GTF2I: variants seen among roughly 807,000 people sequenced by gnomAD.
GTF2I encodes the protein general transcription factor IIi.
GTF2I carries 12 observed loss-of-function variants against 67.6 expected under a neutral mutation model. That is an observed-to-expected ratio of 0.18 (90% confidence interval 0.11 to 0.29). The LOEUF (loss-of-function observed/expected upper bound fraction) is 0.29, where lower values mean the gene tolerates loss of function less well. Among genes scored for constraint, GTF2I ranks in the 10% least tolerant of loss-of-function variants. The probability of loss-of-function intolerance (pLI) is 1.00; values close to 1 mark genes in which losing one functional copy is unlikely to be tolerated. For missense variants in GTF2I, 271 were observed against 580.1 expected, an observed-to-expected ratio of 0.47 and a Z score of 5.47; for synonymous variants, 149 against 197.0, an observed-to-expected ratio of 0.76 and a Z score of 2.04.
chr7:74,683,877 A>C (rs1554394741), intron 1 of GTF2I, among the ~76,000 whole-genome samples: 1 of 152,118 alleles, frequency 6.6e-6, no homozygotes, highest in Non-Finnish European at 1.5e-5. Flanking sequence ...AAAAAACTTA[A>C]AAACTCGTAC....
intron 1 of GTF2I, among the ~76,000 whole-genome samples, chr7:74,660,180 CTTT>C (rs34002417): frequency 2.1e-4 from 29 of 135,766 alleles, no homozygotes; most frequent in Non-Finnish European, 3.4e-4. Context: ...AAGGTCTTCT[CTTT>C]TTTTTTTTTT....
intron 1 of GTF2I, among the ~76,000 whole-genome samples, chr7:74,683,869 A>C (rs1214548191): frequency 6.6e-6 from 1 of 152,140 alleles, no homozygotes; most frequent in Admixed American, 6.6e-5. Context: ...AAAGAAAAAA[A>C]AAACTTAAAA....
chr7:74,693,875 A>T (rs1788617060), intron 3 of GTF2I, among the ~76,000 whole-genome samples: 1 of 152,142 alleles, frequency 6.6e-6, no homozygotes, highest in Admixed American at 6.6e-5. Context: ...AGGCCAATTA[A>T]TAGACCTATA....
chr7:74,726,096 T>C (rs2131489362), intron 12 of GTF2I, among the ~76,000 whole-genome samples: 1 of 152,278 alleles, frequency 6.6e-6, no homozygotes, highest in African/African-American at 2.4e-5. Context: ...GTCATTCTAC[T>C]CTAGCAGCTT....
intron 1 of GTF2I, among the ~76,000 whole-genome samples, chr7:74,674,995 G>A (rs1805772107): frequency 6.6e-6 from 1 of 152,022 alleles, no homozygotes; most frequent in Non-Finnish European, 1.5e-5. Flanking sequence ...TGGGATTACA[G>A]GCACCTGCCA....
At chr7:74,679,548 G>A (rs1787029375) in intron 1 of GTF2I, among the ~76,000 whole-genome samples, 1 of 152,208 alleles carries the variant, frequency 6.6e-6, no homozygotes, top group South Asian at 2.1e-4. Context: ...GAAAGACTGT[G>A]TAGTATTATA....
intron 1 of GTF2I, among the ~76,000 whole-genome samples, chr7:74,678,131 T>C (rs1806070948): frequency 6.6e-6 from 1 of 151,836 alleles, no homozygotes; most frequent in Non-Finnish European, 1.5e-5. Flanking sequence ...CATGGCTCAC[T>C]GCAGCCTTCA....
intron 12 of GTF2I, chr7:74,728,201 C>G (rs1265470018): frequency 1.3e-5 from 2 of 152,340 alleles, no homozygotes; most frequent in African/African-American, 4.8e-5. Context: ...ACTTCGGAGG[C>G]TGAGGCATGA....
intron 1 of GTF2I, among the ~76,000 whole-genome samples, chr7:74,671,079 C>CTTTTTTTTTT (rs869137920): frequency 4.9e-5 from 3 of 61,784 alleles, no homozygotes; most frequent in Non-Finnish European, 8.2e-5. Context: ...TGGGCAGATC[C>CTTTTTTTTTT]TTTTTTTTTT....
intron 3 of GTF2I, among the ~76,000 whole-genome samples, chr7:74,692,433 T>C (rs1157994772): frequency 6.6e-6 from 1 of 152,180 alleles, no homozygotes; most frequent in Non-Finnish European, 1.5e-5. Context: ...TGCAAGTTTG[T>C]TTAAGCATAT....
intron 6 of GTF2I, among the ~76,000 whole-genome samples, chr7:74,702,820 A>G (rs1790003533): frequency 6.6e-6 from 1 of 150,538 alleles, no homozygotes; most frequent in African/African-American, 2.4e-5. Flanking sequence ...TGCAGCCTCA[A>G]CCTCCCAGGC....
intron 12 of GTF2I, among the ~76,000 whole-genome samples, chr7:74,724,591 A>G (rs1793521321): frequency 6.6e-6 from 1 of 152,162 alleles, no homozygotes; most frequent in Admixed American, 6.5e-5. Flanking sequence ...TGTGGGTAGC[A>G]TAACTATTGT....
chr7:74,709,695 C>T (rs587653584), intron 8 of GTF2I, among the ~76,000 whole-genome samples: 12 of 150,468 alleles, frequency 8.0e-5, no homozygotes, highest in Non-Finnish European at 1.2e-4. Flanking sequence ...TTTTTTGAGA[C>T]GGAGTCTTGC....
intron 1 of GTF2I, among the ~76,000 whole-genome samples, chr7:74,680,114 A>ATATATATATATATATATATATATGTATG (rs1339021361): frequency 8.2e-6 from 1 of 121,506 alleles, no homozygotes; most frequent in Non-Finnish European, 1.6e-5. Flanking sequence ...ATATATATAT[A>ATATATATATATATATATATATATGTATG]TATGTATGTA....
chr7:74,687,824 A>G (rs1787872655), intron 1 of GTF2I, among the ~76,000 whole-genome samples: 1 of 152,142 alleles, frequency 6.6e-6, no homozygotes, highest in South Asian at 2.1e-4. Context: ...TACAGTTACT[A>G]TTCTTGTTTC....
intron 1 of GTF2I, among the ~76,000 whole-genome samples, chr7:74,667,195 T>C (rs1805055906): frequency 3.3e-5 from 5 of 152,036 alleles, no homozygotes; most frequent in Admixed American, 6.6e-5. Context: ...ATACAGAAGT[T>C]AGCTGGGAGT....
intron 3 of GTF2I, among the ~76,000 whole-genome samples, chr7:74,691,342 G>T (rs1454296600): frequency 6.6e-6 from 1 of 152,036 alleles, no homozygotes; most frequent in African/African-American, 2.4e-5. Context: ...AAGTAGCTGG[G>T]ATTACAGGCA....
intron 1 of GTF2I, among the ~76,000 whole-genome samples, chr7:74,685,907 G>T (rs1216309310): frequency 6.6e-6 from 1 of 152,012 alleles, no homozygotes; most frequent in Non-Finnish European, 1.5e-5. Flanking sequence ...ACAAAAATTA[G>T]CTGCGCGTGG....
intron 3 of GTF2I, among the ~76,000 whole-genome samples, chr7:74,693,938 A>G (rs1024215352): frequency 1.3e-5 from 2 of 152,214 alleles, no homozygotes; most frequent in African/African-American, 4.8e-5. Flanking sequence ...CTCACTTTAC[A>G]TCAAAAGCAG....
Sources: gnomAD v4.1 joint callset for allele counts (sites outside exome capture counted in the v4.1 genomes callset) on GRCh38, gnomAD v4.1.1 for gene constraint, MANE v1.5 for transcripts, NCBI Gene and HGNC (gene_info 2026-07-23, HGNC 2026-07-21) for gene names.